SRFBP1: variants seen among roughly 807,000 people sequenced by gnomAD.
SRFBP1 encodes the protein serum response factor-binding protein 1.
SRFBP1 carries 47 observed loss-of-function variants against 45.5 expected under a neutral mutation model. The observed-to-expected ratio is 1.03, with a 90% CI of 0.82 to 1.32. The LOEUF is 1.32. Among genes scored for constraint, SRFBP1 ranks in the 40% most tolerant of loss-of-function variants. SRFBP1 has a pLI of 0.00. For missense variants in SRFBP1, 621 were observed against 484.6 expected, an observed-to-expected ratio of 1.28 and a Z score of -2.64; for synonymous variants, 203 against 166.3, an observed-to-expected ratio of 1.22 and a Z score of -1.70.
chr5:122,032,410 A>G (rs1435614260), downstream of SRFBP1, among the ~76,000 whole-genome samples: 2 of 151,908 alleles, frequency 1.3e-5, no homozygotes, highest in African/African-American at 2.4e-5. Flanking sequence ...CCCCCTGTAA[A>G]CAATAAATCT....
downstream of SRFBP1, chr5:122,077,575 A>G: frequency 6.2e-7 from 1 of 1,612,872 alleles, no homozygotes; most frequent in Non-Finnish European, 8.5e-7. The surrounding 1 kb of genome is among the most constrained non-coding windows in gnomAD (Gnocchi z 4.9). Context: ...GCGAGGCGCC[A>G]GCTTCGCGGG....
intron 3 of SRFBP1, among the ~76,000 whole-genome samples, chr5:121,993,665 A>G (rs572475696): frequency 6.6e-6 from 1 of 152,238 alleles, no homozygotes; most frequent in Admixed American, 6.5e-5. Flanking sequence ...AATTTAATTC[A>G]CTTACTTTCA....
chr5:122,049,100 G>C (rs978806824), intron 2 of SRFBP1, among the ~76,000 whole-genome samples: 8 of 152,164 alleles, frequency 5.3e-5, no homozygotes, highest in Non-Finnish European at 1.2e-4. Context: ...TTTTGAATGT[G>C]TTTGCTCTTG....
intron 4 of SRFBP1, among the ~76,000 whole-genome samples, chr5:122,010,842 A>G (rs1753078354): frequency 6.6e-6 from 1 of 152,138 alleles, no homozygotes; most frequent in African/African-American, 2.4e-5. Flanking sequence ...TTTCCAAAGA[A>G]TTCTTTTTCC....
At position 122,049,043 on chromosome 5, in the gene SRFBP1, T is replaced by C. The variant is rs568751528; in HGVS notation, n.312-26272T>C. On this transcript the variant is annotated intron_variant and non_coding_transcript_variant, in intron 2 of 2. Transcript: ENST00000504881. Reference sequence around the variant, plus strand: ...TGAAGGGTTTTTTTGTGTCTCTGTTTCCTTCAGTTCTGCTCTGATCTTAGT... The same window carrying C: ...TGAAGGGTTTTTTTGTGTCTCTGTTCCCTTCAGTTCTGCTCTGATCTTAGT... Among the ~76,000 whole-genome samples, 181 of 152,290 alleles carry C rather than the reference T, an allele frequency of 1.2e-3. 1 individual carries two copies. Among genetic ancestry groups the C allele is most frequent in the African/African-American group, 4.3e-3 (177 of 41,574 alleles).
intron 1 of SRFBP1, among the ~76,000 whole-genome samples, chr5:121,965,388 A>T (rs1393800568): frequency 6.6e-6 from 1 of 152,222 alleles, no homozygotes; most frequent in Non-Finnish European, 1.5e-5. Flanking sequence ...GAAGGGGTCC[A>T]GTTTCAGTTT....
At chr5:122,051,972 G>T (rs1381726259) in intron 2 of SRFBP1, among the ~76,000 whole-genome samples, 2 of 152,094 alleles carry the variant, frequency 1.3e-5, no homozygotes, top group African/African-American at 4.8e-5. Flanking sequence ...GCATTTGGTT[G>T]TCTGAAAAGG....
At chr5:121,968,419 T>C (rs996827929) in intron 1 of SRFBP1, among the ~76,000 whole-genome samples, 2 of 152,122 alleles carry the variant, frequency 1.3e-5, no homozygotes, top group Non-Finnish European at 2.9e-5. Context: ...GAATTTTGGC[T>C]AACCGCAGGT....
At position 122,028,572 on chromosome 5, in the gene SRFBP1, A is replaced by G. The variant is rs1753537038; in HGVS notation, c.*1446A>G. The G allele has an allele frequency of 6.6e-6, 1 of 151,626 alleles. No homozygotes were observed. Among genetic ancestry groups the G allele is most frequent in the Non-Finnish European group, 1.5e-5 (1 of 67,982 alleles). The allele number at this position is 151,626 out of a possible 1,614,324, so 9.4% of individuals were successfully genotyped here. ...CAGTGAGCCAAGATTGCACCACTGC[A>G]CTCCAGCCTGGGTGACAGAGTATGA... On this transcript the variant is annotated 3_prime_UTR_variant, in exon 8 of 8. Coordinates refer to ENST00000339397, the MANE Select transcript of SRFBP1 (RefSeq NM_152546.3).
At position 122,057,667 on chromosome 5, in the gene SRFBP1, A is replaced by T. The variant is rs74380090; in HGVS notation, n.312-17648A>T. ...AAAAAAAAAAAAAATACTGATTTTG[A>T]TAATGAATCTAGCAATGTTCATTAA... On this transcript the variant is annotated intron_variant and non_coding_transcript_variant, in intron 2 of 2. Transcript: ENST00000504881. Among the ~76,000 whole-genome samples the T allele has an allele frequency of 5.1e-3, 781 of 152,072 alleles. 20 individuals carry two copies. The East Asian group carries it at 0.053, about 10-fold the overall frequency.
chr5:121,996,864 C>G (rs1752738499), intron 4 of SRFBP1, among the ~76,000 whole-genome samples: 4 of 147,370 alleles, frequency 2.7e-5, no homozygotes, highest in Admixed American at 2.7e-4. Context: ...TTCTTATACA[C>G]CAACAACAGA....
At chr5:121,974,486 T>A (rs1409318394) in intron 2 of SRFBP1, among the ~76,000 whole-genome samples, 1 of 151,932 alleles carries the variant, frequency 6.6e-6, no homozygotes, top group Non-Finnish European at 1.5e-5. Flanking sequence ...CCATCATTGC[T>A]CAAGATACAG....
intron 3 of SRFBP1, among the ~76,000 whole-genome samples, chr5:121,985,049 C>T (rs948204226): frequency 6.6e-6 from 1 of 151,824 alleles, no homozygotes; most frequent in African/African-American, 2.4e-5. Flanking sequence ...TATGTCTATA[C>T]TTTGTGTGTG....
intron 2 of SRFBP1, among the ~76,000 whole-genome samples, chr5:122,050,075 T>C (rs1176914768): frequency 1.3e-5 from 2 of 152,200 alleles, no homozygotes; most frequent in African/African-American, 4.8e-5. Flanking sequence ...GAACCAATCT[T>C]GCATCCCAGG....
chr5:121,965,033 T>C (rs1262188713), intron 1 of SRFBP1, among the ~76,000 whole-genome samples: 1 of 152,176 alleles, frequency 6.6e-6, no homozygotes. Context: ...CACTTTTTGA[T>C]GGGGTTGTTT....
chr5:122,010,306 G>A (rs1396147143), intron 4 of SRFBP1, among the ~76,000 whole-genome samples: 2 of 152,030 alleles, frequency 1.3e-5, no homozygotes, highest in African/African-American at 4.8e-5. Context: ...CTATTTTTAT[G>A]TGTTCGTTCT....
intron 2 of SRFBP1, among the ~76,000 whole-genome samples, chr5:122,036,992 G>A (rs1209920839): frequency 1.3e-5 from 2 of 151,212 alleles, no homozygotes; most frequent in Admixed American, 1.3e-4. Flanking sequence ...CCTCCCTCCC[G>A]GGTTCAAGCA....
In SRFBP1 at chr5:122,020,365, G is replaced by A; in HGVS notation, c.630G>A (p.Lys210=). 3.1e-6 allele frequency: 5 copies of A among 1,614,034 alleles called. No homozygotes were observed. Among genetic ancestry groups the A allele is most frequent in the Non-Finnish European group, 4.2e-6 (5 of 1,179,992 alleles). Residue 210 remains lysine, a synonymous_variant, in exon 6 of 8, where the codon AAG becomes AAA. Coordinates refer to ENST00000339397, the MANE Select transcript of SRFBP1 (RefSeq NM_152546.3). ...IANSPSKPSE[K]DSVVSLESQK... is the part of the protein sequence containing the mutation. ...ATTCTCCATCAAAGCCTTCAGAAAA[G>A]GATTCTGTAGTTTCCCTTGAGTCCC...
rs1478383391 is a variant in SRFBP1 at position 122,002,904 on chromosome 5, C to G, written c.270+8234C>G. On this transcript the variant is annotated intron_variant, in intron 4 of 7. Coordinates refer to ENST00000339397, the MANE Select transcript of SRFBP1 (RefSeq NM_152546.3). ...GATGCTACATTTATGTAGACTCTCACTCATTTCTCTACAATTAATTGATGT... is the reference window on the plus strand; with the variant it reads ...GATGCTACATTTATGTAGACTCTCAGTCATTTCTCTACAATTAATTGATGT... 2.6e-5 allele frequency among the ~76,000 whole-genome samples: 4 copies of G among 152,266 alleles called. No homozygotes were observed. In the South Asian group the frequency reaches 6.2e-4, roughly 24 times the overall value.
Sources: allele counts gnomAD v4.1 joint callset (sites outside exome capture counted in the v4.1 genomes callset), GRCh38; gene constraint gnomAD v4.1.1; non-coding constraint Gnocchi (gnomAD v3.1); transcripts MANE v1.5; gene names NCBI Gene and HGNC (gene_info 2026-07-23, HGNC 2026-07-21).